The following CCDC85A variants were observed in gnomAD, a reference collection of about 807,000 sequenced individuals.
CCDC85A encodes coiled-coil domain containing 85A.
A neutral mutation model predicts 50.2 loss-of-function variants in CCDC85A; 38 were observed. That is an observed-to-expected ratio of 0.76 (90% CI 0.58 to 0.99). CCDC85A has a LOEUF of 0.99. Ranked by LOEUF, CCDC85A falls within the 50% of genes least tolerant of loss-of-function variation. The probability of loss-of-function intolerance (pLI) is 0.00; values close to 1 mark genes in which losing one functional copy is unlikely to be tolerated. For synonymous variants in CCDC85A, 366 were observed against 301.4 expected, an observed-to-expected ratio of 1.21 and a Z score of -2.22; for missense variants, 820 against 742.0, an observed-to-expected ratio of 1.11 and a Z score of -1.22.
intron 2 of CCDC85A, among the ~76,000 whole-genome samples, chr2:56,241,915 A>T (rs151133203): frequency 2.1e-4 from 32 of 152,312 alleles, no homozygotes; most frequent in African/African-American, 6.3e-4. Context: ...ATTGTTCTTC[A>T]TAGTGTTTGA....
chr2:56,346,069 G>C (rs1458492442), intron 3 of CCDC85A, among the ~76,000 whole-genome samples: 1 of 152,190 alleles, frequency 6.6e-6, no homozygotes, highest in Non-Finnish European at 1.5e-5. Flanking sequence ...GCTGTAGCCA[G>C]AATTTTTGCT....
intron 2 of CCDC85A, among the ~76,000 whole-genome samples, chr2:56,312,806 G>A (rs1049535321): frequency 4.6e-5 from 7 of 152,120 alleles, no homozygotes; most frequent in Admixed American, 4.6e-4. Context: ...CACCTATTAT[G>A]TACTAAGTAA....
chr2:56,224,009 C>A (rs187765951), intron 2 of CCDC85A, among the ~76,000 whole-genome samples: 60 of 152,282 alleles, frequency 3.9e-4, no homozygotes, highest in African/African-American at 1.4e-3. Context: ...AGTCCAATGG[C>A]TTTTAGTGTA....
intron 2 of CCDC85A, among the ~76,000 whole-genome samples, chr2:56,329,346 G>A (rs1172015761): frequency 6.6e-6 from 1 of 152,116 alleles, no homozygotes; most frequent in Non-Finnish European, 1.5e-5. Flanking sequence ...TTATGTACCT[G>A]TTTTCCCTAC....
chr2:56,300,596 G>A (rs1175034438), intron 2 of CCDC85A, among the ~76,000 whole-genome samples: 2 of 152,216 alleles, frequency 1.3e-5, no homozygotes, highest in African/African-American at 4.8e-5. Flanking sequence ...GAATGCCCTT[G>A]TATGCTTAGG....
At chr2:56,243,030 T>G (rs900662095) in intron 2 of CCDC85A, among the ~76,000 whole-genome samples, 6 of 151,316 alleles carry the variant, frequency 4.0e-5, no homozygotes, top group South Asian at 4.2e-4. Flanking sequence ...TTCTGTGTTG[T>G]TTTTTTTTCT....
intron 3 of CCDC85A, among the ~76,000 whole-genome samples, chr2:56,359,902 T>A (rs1471683372): frequency 6.6e-6 from 1 of 152,218 alleles, no homozygotes; most frequent in Non-Finnish European, 1.5e-5. Context: ...TCATTGGGAA[T>A]CTGCAAGGTG....
intron 2 of CCDC85A, among the ~76,000 whole-genome samples, chr2:56,255,970 A>G (rs903810088): frequency 2.6e-5 from 4 of 152,164 alleles, no homozygotes; most frequent in African/African-American, 9.7e-5. Flanking sequence ...GGAAAAACAA[A>G]TATTTGAGAT....
intron 2 of CCDC85A, among the ~76,000 whole-genome samples, chr2:56,196,879 G>A (rs988892894): frequency 1.4e-4 from 14 of 100,794 alleles, no homozygotes; most frequent in African/African-American, 3.5e-4. Context: ...TTTCTTCTTC[G>A]TCTTCAAAAA....
At chr2:56,329,246 G>T (rs371966281) in intron 2 of CCDC85A, among the ~76,000 whole-genome samples, 1 of 152,022 alleles carries the variant, frequency 6.6e-6, no homozygotes, top group Non-Finnish European at 1.5e-5. Flanking sequence ...TTGTATTTAC[G>T]TCTCAACTTG....
At chr2:56,231,553 T>TCATCTAA (rs1668773164) in intron 2 of CCDC85A, among the ~76,000 whole-genome samples, 1 of 152,180 alleles carries the variant, frequency 6.6e-6, no homozygotes, top group Non-Finnish European at 1.5e-5. Context: ...TCATGACTCT[T>TCATCTAA]GGCTTCAATC....
rs781518526 is a variant in CCDC85A, at chr2:56,380,287, A to G, written c.1573-3979A>G. ...GCCACCTTACTAGGTAATTTTGCTT[A>G]GTTCTTCATATGTCATATATGTGTG... On this transcript the variant is annotated intron_variant, in intron 5 of 5. Coordinates refer to ENST00000407595, the MANE Select transcript of CCDC85A (RefSeq NM_001080433.2). Among the ~76,000 whole-genome samples, 30 of 152,178 alleles carry G rather than the reference A, an allele frequency of 2.0e-4. 1 individual carries two copies. Among genetic ancestry groups the G allele is most frequent in the Non-Finnish European group, 3.4e-4 (23 of 68,024 alleles).
intron 2 of CCDC85A, among the ~76,000 whole-genome samples, chr2:56,247,097 T>C (rs1232119135): frequency 6.6e-6 from 1 of 152,170 alleles, no homozygotes; most frequent in Non-Finnish European, 1.5e-5. Context: ...CAAAATGTGG[T>C]TATGCTATAG....
intron 2 of CCDC85A, among the ~76,000 whole-genome samples, chr2:56,259,498 A>G (rs1373445085): frequency 6.6e-6 from 1 of 152,198 alleles, no homozygotes; most frequent in Non-Finnish European, 1.5e-5. Flanking sequence ...CTTCCAGTCC[A>G]TGGTGGGTGA....
chr2:56,251,240 C>A (rs938157391), intron 2 of CCDC85A, among the ~76,000 whole-genome samples: 5 of 152,206 alleles, frequency 3.3e-5, no homozygotes, highest in Admixed American at 3.3e-4. Flanking sequence ...CTCCTGTAGG[C>A]AGCAAATCCT....
intron 2 of CCDC85A, among the ~76,000 whole-genome samples, chr2:56,322,178 G>A (rs6756182): frequency 0.04 from 6,049 of 152,084 alleles, 408 homozygotes; most frequent in African/African-American, 0.14. Flanking sequence ...TAGACCTAAA[G>A]CCATAAAAAC....
At chr2:56,268,781 C>G (rs1198372235) in intron 2 of CCDC85A, among the ~76,000 whole-genome samples, 5 of 151,880 alleles carry the variant, frequency 3.3e-5, no homozygotes, top group African/African-American at 1.2e-4. Context: ...ACATTTTTGG[C>G]TCCATACTCT....
At chr2:56,236,490 G>C (rs977891415) in intron 2 of CCDC85A, among the ~76,000 whole-genome samples, 1 of 152,180 alleles carries the variant, frequency 6.6e-6, no homozygotes, top group African/African-American at 2.4e-5. Context: ...AAGAGGAGAT[G>C]AGAGGATTTG....
chr2:56,261,663 T>G (rs530582895), intron 2 of CCDC85A, among the ~76,000 whole-genome samples: 1 of 152,304 alleles, frequency 6.6e-6, no homozygotes, highest in South Asian at 2.1e-4. Context: ...GAAATGAAAA[T>G]AAGCTAGCAG....
Sources: allele counts gnomAD v4.1 joint callset (sites outside exome capture counted in the v4.1 genomes callset), GRCh38; gene constraint gnomAD v4.1.1; transcripts MANE v1.5; gene names NCBI Gene and HGNC (gene_info 2026-07-23, HGNC 2026-07-21).